Variants in ROR1 observed in about 807,000 individuals in gnomAD.
ROR1 encodes the protein ROR family WNT receptor 1.
ROR1 carries 19 observed loss-of-function variants against 78.8 expected under a neutral mutation model. The observed-to-expected ratio is 0.24, with a 90% CI of 0.17 to 0.35. The LOEUF is 0.35. Ranked by LOEUF, ROR1 falls within the 10% of genes least tolerant of loss-of-function variation. The probability of loss-of-function intolerance (pLI) is 1.00; values close to 1 mark genes in which losing one functional copy is unlikely to be tolerated. For synonymous variants in ROR1, 386 were observed against 433.6 expected, an observed-to-expected ratio of 0.89 and a Z score of 1.36; for missense variants, 917 against 1,177.8, an observed-to-expected ratio of 0.78 and a Z score of 3.24.
intron 1 of ROR1, among the ~76,000 whole-genome samples, chr1:63,880,624 C>G (rs763188238): frequency 6.6e-6 from 1 of 152,076 alleles, no homozygotes; most frequent in African/African-American, 2.4e-5. Flanking sequence ...AGTAAACTTA[C>G]TCGTGATTTA....
intron 1 of ROR1, among the ~76,000 whole-genome samples, chr1:63,918,893 TGACCAGC>T: frequency 6.6e-6 from 1 of 152,294 alleles, no homozygotes; most frequent in South Asian, 2.1e-4. Context: ...CGCGAGACAA[TGACCAGC>T]ATGAGGAAAT....
At chr1:63,881,320 G>A (rs1645321732) in intron 1 of ROR1, among the ~76,000 whole-genome samples, 1 of 152,126 alleles carries the variant, frequency 6.6e-6, no homozygotes, top group Non-Finnish European at 1.5e-5. Context: ...AACTTTGGCA[G>A]ATCCATTTTC....
intron 1 of ROR1, among the ~76,000 whole-genome samples, chr1:63,887,615 A>G (rs1645365816): frequency 6.6e-6 from 1 of 152,142 alleles, no homozygotes; most frequent in Non-Finnish European, 1.5e-5. Flanking sequence ...TTCTATCACC[A>G]TAGTTTATAC....
intron 1 of ROR1, among the ~76,000 whole-genome samples, chr1:63,923,744 G>A (rs1356258757): frequency 6.6e-6 from 1 of 151,548 alleles, no homozygotes; most frequent in Admixed American, 6.6e-5. Context: ...AAACTCTTCA[G>A]CGGTTTCCAA....
intron 2 of ROR1, 146 bp downstream of exon 2, chr1:64,009,522 C>T: frequency 3.2e-6 from 2 of 633,706 alleles, no homozygotes; most frequent in Non-Finnish European, 5.7e-6. Context: ...ACTTTGTGAT[C>T]ATTTAACATT....
rs181660434 is a variant in ROR1 at position 64,016,913 on chromosome 1, G to A, written c.163+7537G>A. 3.5e-3 allele frequency among the ~76,000 whole-genome samples: 529 copies of A among 151,124 alleles called. 3 individuals carry two copies. Among genetic ancestry groups the A allele is most frequent in the African/African-American group, 0.011 (454 of 40,712 alleles). On this transcript the variant is annotated intron_variant, in intron 2 of 8. Transcript: ENST00000371079. ...GGTTAAAAGGCGAAAAACACATAGG[G>A]ATTATTATTTTTTTTTTCTTTTGAG... is the stretch of plus-strand genomic sequence containing the variant.
At chr1:63,904,364 A>G (rs1645512348) in intron 1 of ROR1, among the ~76,000 whole-genome samples, 2 of 152,210 alleles carry the variant, frequency 1.3e-5, no homozygotes, top group Admixed American at 6.5e-5. Flanking sequence ...TGGAAGAGCC[A>G]TGCCCTTGAC....
At chr1:64,060,025 C>T (rs2100604000) in intron 4 of ROR1, among the ~76,000 whole-genome samples, 1 of 152,260 alleles carries the variant, frequency 6.6e-6, no homozygotes, top group East Asian at 1.9e-4. Context: ...ATATCCACTC[C>T]CTCACCTATC....
intron 1 of ROR1, among the ~76,000 whole-genome samples, chr1:63,933,337 T>G (rs1325877103): frequency 6.6e-6 from 1 of 152,164 alleles, no homozygotes; most frequent in Non-Finnish European, 1.5e-5. Flanking sequence ...GTTGTGACAG[T>G]CATTGAGATT....
chr1:63,895,859 A>T (rs1370874044), intron 1 of ROR1, among the ~76,000 whole-genome samples: 3 of 151,678 alleles, frequency 2.0e-5, no homozygotes, highest in African/African-American at 7.3e-5. Context: ...TTTTTATTTG[A>T]TTTGATACTG....
At chr1:64,048,876 G>T (rs1646806115) in intron 2 of ROR1, among the ~76,000 whole-genome samples, 2 of 152,122 alleles carry the variant, frequency 1.3e-5, no homozygotes, top group South Asian at 4.1e-4. Flanking sequence ...TGGGGTGGGA[G>T]GGAGTGGTTG....
intron 1 of ROR1, among the ~76,000 whole-genome samples, chr1:63,923,575 A>G (rs1227288692): frequency 1.3e-5 from 2 of 151,676 alleles, no homozygotes; most frequent in African/African-American, 2.4e-5. Flanking sequence ...AAGCCTATCT[A>G]TATTGTGTCT....
At chr1:63,803,684 A>AT (rs1344068238) in intron 1 of ROR1, among the ~76,000 whole-genome samples, 7 of 152,212 alleles carry the variant, frequency 4.6e-5, no homozygotes, top group Non-Finnish European at 7.3e-5. Flanking sequence ...TAACCCAGCC[A>AT]TTGTACTCCT....
intron 1 of ROR1, among the ~76,000 whole-genome samples, chr1:63,797,565 A>C (rs1022880971): frequency 2.0e-5 from 3 of 152,238 alleles, no homozygotes; most frequent in African/African-American, 7.2e-5. Flanking sequence ...CTCAAGGTCA[A>C]ACAATTAGTA....
intron 2 of ROR1, among the ~76,000 whole-genome samples, chr1:64,023,557 A>G (rs1387873537): frequency 6.6e-6 from 1 of 152,178 alleles, no homozygotes; most frequent in Non-Finnish European, 1.5e-5. Context: ...AAAACAAAAA[A>G]CTAGCTCTTG....
intron 1 of ROR1, among the ~76,000 whole-genome samples, chr1:63,964,329 G>A (rs368243063): frequency 3.9e-5 from 6 of 152,312 alleles, no homozygotes; most frequent in African/African-American, 1.4e-4. Context: ...CATAGCAAGA[G>A]TTCAGTGTCT....
At chr1:64,075,629 A>C (rs1424390613) in intron 4 of ROR1, among the ~76,000 whole-genome samples, 1 of 152,174 alleles carries the variant, frequency 6.6e-6, no homozygotes, top group Non-Finnish European at 1.5e-5. Context: ...TTTTCACTTA[A>C]CACTGTATCT....
intron 1 of ROR1, among the ~76,000 whole-genome samples, chr1:63,787,379 G>C (rs1237784066): frequency 6.6e-6 from 1 of 152,018 alleles, no homozygotes; most frequent in African/African-American, 2.4e-5. Context: ...ACCTGGCAAG[G>C]CATTTTGTAT....
At chr1:64,027,466 C>CTCCTGTG (rs1646621679) in intron 2 of ROR1, among the ~76,000 whole-genome samples, 1 of 152,174 alleles carries the variant, frequency 6.6e-6, no homozygotes, top group Non-Finnish European at 1.5e-5. Context: ...TTAACTAAAT[C>CTCCTGTG]TCCTGTGAGT....
Sources: gnomAD v4.1 joint callset for allele counts (sites outside exome capture counted in the v4.1 genomes callset) on GRCh38, gnomAD v4.1.1 for gene constraint, MANE v1.5 for transcripts, NCBI Gene and HGNC (gene_info 2026-07-23, HGNC 2026-07-21) for gene names.